Variants in TMEM63A observed in about 807,000 individuals in gnomAD.
TMEM63A encodes mechanosensitive cation channel TMEM63A.
In TMEM63A, 76 loss-of-function variants were observed where a neutral mutation model predicts 100.6. The observed-to-expected ratio is 0.76, with a 90% CI of 0.63 to 0.91. TMEM63A has a LOEUF of 0.91. TMEM63A is among the 40% of genes least tolerant of loss of function. The pLI is 0.00. For synonymous variants in TMEM63A, 401 were observed against 401.1 expected (o/e 1.00, Z 0.00); for missense variants, 876 against 1,008.8 (o/e 0.87, Z 1.78).
chr1:225,857,042 A>T (rs1398873602), intron 15 of TMEM63A, 25 bp from the exon 16 acceptor site: 1 of 1,550,122 alleles, frequency 6.5e-7, no homozygotes, highest in Non-Finnish European at 8.7e-7. Flanking sequence ...CACAGCAGAG[A>T]GAGTCACAGG....
In TMEM63A at chr1:225,871,319, C is replaced by T. The variant is rs538158480; in HGVS notation, c.334-206G>A. ...TCTTGCTAAAATCTCCTGACAACTT[C>T]GTGGTCAAATCACAAAACTTAGATC... On this transcript the variant is annotated intron_variant, in intron 5 of 24. Coordinates refer to ENST00000366835, the MANE Select transcript of TMEM63A (RefSeq NM_014698.3). Among the ~76,000 whole-genome samples, 29 of 152,342 alleles carry T rather than the reference C, an allele frequency of 1.9e-4. No individual in the cohort carries two copies. The South Asian group carries it at 2.5e-3, about 13-fold the overall frequency.
downstream of TMEM63A, among the ~76,000 whole-genome samples, chr1:225,840,700 A>G (rs116430388): frequency 1.3e-5 from 2 of 152,218 alleles, no homozygotes; most frequent in Non-Finnish European, 2.9e-5. Flanking sequence ...TACAATTCAC[A>G]GAACTGTAAA....
In TMEM63A at chr1:225,853,516, G is replaced by A. The variant is rs949824523; in HGVS notation, c.1797+113C>T. 7.9e-6 allele frequency: 9 copies of A among 1,145,094 alleles called. No individual in the cohort carries two copies. In the African/African-American group the frequency reaches 1.4e-4, roughly 18 times the overall value. 70.9% of individuals were successfully genotyped at this position (1,145,094 alleles called of 1,614,324 possible). A position where few individuals can be genotyped will look rare whatever the true frequency, so the allele number is the denominator to read the frequency against. On this transcript the variant is annotated intron_variant, in intron 19 of 24. Coordinates refer to ENST00000366835, the MANE Select transcript of TMEM63A (RefSeq NM_014698.3). The surrounding 1 kb of genome is among the most constrained non-coding windows in gnomAD (Gnocchi z 4.0). The stretch of plus-strand genomic sequence containing the variant: ...AGCCCAGTGCCTGCACTAGTGGGTA[G>A]TCAGGTAAATGCTACCCACTAGTGG...
downstream of TMEM63A, chr1:225,844,623 G>A (rs755904769): frequency 7.4e-6 from 12 of 1,613,882 alleles, no homozygotes; most frequent in East Asian, 2.2e-5. Flanking sequence ...AAGCATGAGC[G>A]GTGAGCCTGG....
chr1:225,880,152 A>G (rs901499099), intron 1 of TMEM63A, among the ~76,000 whole-genome samples: 1 of 152,190 alleles, frequency 6.6e-6, no homozygotes, highest in Non-Finnish European at 1.5e-5. Flanking sequence ...AAATACTATC[A>G]GCCTGAGACG....
chr1:225,862,668 G>A lies in TMEM63A; in HGVS notation c.828-90C>T, dbSNP rs548886294. The A allele has an allele frequency of 5.7e-5, 91 of 1,603,012 alleles. No individual in the cohort carries two copies. In the South Asian group the frequency reaches 9.0e-4, roughly 16 times the overall value. ...CCACAGTTCAACCATCGAACGCCAG[G>A]GGAGAAGGAGGGGTCCAGGGCCTCC... is the stretch of plus-strand genomic sequence containing the variant. On this transcript the variant is annotated intron_variant, in intron 11 of 24. Transcript: ENST00000366835. The surrounding 1 kb of genome is among the most constrained non-coding windows in gnomAD (Gnocchi z 5.1).
At position 225,855,891 on chromosome 1, in the gene TMEM63A, A is replaced by T. The variant is rs1386874634; in HGVS notation, c.1621T>A (p.Ser541Thr). The T allele has an allele frequency of 6.2e-7, 1 of 1,614,008 alleles. No homozygotes were observed. Among genetic ancestry groups the T allele is most frequent in the Non-Finnish European group, 8.5e-7 (1 of 1,180,014 alleles). ...WLFDKTSSEA[S>T]IRLECVFLPD... ...GGCAATACTCACTCCAACCTGATGG[A>T]GGCCTCCGAGGAAGTTTTGTCAAAG... is the stretch of plus-strand genomic sequence containing the variant. The change falls in exon 18 of 25, where the codon TCC becomes ACC. Residue 541 changes from serine (S) to threonine (T), a missense_variant. This residue lies in a region of TMEM63A where 4 missense variants were observed against 17.2 expected (regional missense o/e 0.23). Transcript: ENST00000366835.
At position 225,867,154 on chromosome 1, in the gene TMEM63A, G is replaced by A. The variant is rs750546958; in HGVS notation, c.524C>T (p.Pro175Leu). The A allele has an allele frequency of 4.3e-5, 70 of 1,614,006 alleles. 1 individual carries two copies. Among genetic ancestry groups the A allele is most frequent in the Non-Finnish European group, 5.3e-5 (63 of 1,180,014 alleles). ...TATTGTTGTCCTCCCAAAACTATAC[G>A]GGTCTTTGTCTGCAGAGAAGCACAG... ...NLSGDLLDKD[P>L]YSFGRTTIAN... Residue 175 changes from proline to leucine, a missense_variant, in exon 8 of 25, where the codon CCG becomes CTG. This residue lies in a region of TMEM63A where 487 missense variants were observed against 581.9 expected (regional missense o/e 0.84). Transcript: ENST00000366835. This position sits in a 1 kb window ranked among gnomAD's most constrained non-coding sequence, Gnocchi z 4.6.
intron 20 of TMEM63A, 97 bp from the exon 21 acceptor site, chr1:225,850,176 G>A: frequency 1.4e-6 from 2 of 1,419,116 alleles, no homozygotes; most frequent in Non-Finnish European, 9.7e-7. Context: ...CAAGGAGCCA[G>A]GGCTGGGGCT....
In TMEM63A at chr1:225,851,549, T is replaced by C. The variant is rs1426409056; in HGVS notation, c.1903+1115A>G. ...CATGCCCAGTTAATTTTTGTATTTT[T>C]AGTAGGGACAGGGTTTCATCATATT... On this transcript the variant is annotated intron_variant, in intron 20 of 24. Coordinates refer to ENST00000366835, the MANE Select transcript of TMEM63A (RefSeq NM_014698.3). 2.6e-5 allele frequency among the ~76,000 whole-genome samples: 4 copies of C among 152,086 alleles called. No individual in the cohort carries two copies. In the East Asian group the frequency reaches 7.7e-4, roughly 29 times the overall value.
intron 6 of TMEM63A, 50 bp downstream of exon 6, chr1:225,871,026 A>C (rs764128040): frequency 3.1e-6 from 5 of 1,599,600 alleles, no homozygotes; most frequent in Non-Finnish European, 4.3e-6. Flanking sequence ...CCAAACACCC[A>C]AAAAAACCAG....
chr1:225,843,298 G>A (rs1300976202), downstream of TMEM63A, among the ~76,000 whole-genome samples: 1 of 152,216 alleles, frequency 6.6e-6, no homozygotes, highest in South Asian at 2.1e-4. Context: ...TTTGCTGGAT[G>A]GAGGAGAGAA....
chr1:225,867,841 C>T lies in TMEM63A; in HGVS notation c.514+47G>A. The T allele has an allele frequency of 6.2e-7, 1 of 1,610,770 alleles. No individual in the cohort carries two copies. The highest frequency in any genetic ancestry group is 1.1e-5 in the South Asian group (1 of 90,716). On this transcript the variant is annotated intron_variant, in intron 7 of 24. Transcript: ENST00000366835. This position sits in a 1 kb window ranked among gnomAD's most constrained non-coding sequence, Gnocchi z 4.6. ...ACAGTGAGCCCTTTCCCTAGGACTG[C>T]CACTCTGCCCCATTACAACATAGAC...
chr1:225,871,486 G>A (rs576367138), intron 5 of TMEM63A: 2 of 230,438 alleles, frequency 8.7e-6, no homozygotes, highest in African/African-American at 4.5e-5. Context: ...GTGGGTGTTA[G>A]GGGGAAAGGG....
chr1:225,848,453 A>G (rs771240998), intron 23 of TMEM63A, 39 bp downstream of exon 23: 13 of 1,610,358 alleles, frequency 8.1e-6, no homozygotes, highest in Non-Finnish European at 1.1e-5. Context: ...AAAGCAAAAA[A>G]AAGGGCGACA....
chr1:225,860,295 C>T (rs1669874030), intron 14 of TMEM63A: 1 of 152,636 alleles, frequency 6.6e-6, no homozygotes, highest in African/African-American at 2.4e-5. Flanking sequence ...TGGAGGCTCA[C>T]CAGGGCCCCC....
At chr1:225,855,829 G>A (rs747354275) in intron 18 of TMEM63A, 49 bp downstream of exon 18, 10 of 1,595,596 alleles carry the variant, frequency 6.3e-6, no homozygotes, top group Non-Finnish European at 6.9e-6. Flanking sequence ...GCCCCTGTGG[G>A]ACTTTCACCC....
rs543847906 is a variant in TMEM63A at position 225,875,964 on chromosome 1, G to A, written c.186+1431C>T. ...GCTTGTAGTCCCAGCTATGCAGGAG[G>A]CTGAGGTGGGAGGATTGCTTGAGCC... On this transcript the variant is annotated intron_variant, in intron 3 of 24. Coordinates refer to ENST00000366835, the MANE Select transcript of TMEM63A (RefSeq NM_014698.3). 1.5e-4 allele frequency among the ~76,000 whole-genome samples: 23 copies of A among 149,482 alleles called. No individual in the cohort carries two copies. In the South Asian group the frequency reaches 4.4e-3, roughly 29 times the overall value.
chr1:225,848,639 C>G, intron 22 of TMEM63A, 85 bp from the exon 23 acceptor site: 1 of 1,430,298 alleles, frequency 7.0e-7, no homozygotes, highest in Non-Finnish European at 9.7e-7. Flanking sequence ...ACTATTAACA[C>G]CCGGAATAAT....
Sources: allele counts gnomAD v4.1 joint callset (sites outside exome capture counted in the v4.1 genomes callset), GRCh38; gene constraint gnomAD v4.1.1; regional missense constraint gnomAD v4.1.1; non-coding constraint Gnocchi (gnomAD v3.1); transcripts MANE v1.5; gene names NCBI Gene and HGNC (gene_info 2026-07-23, HGNC 2026-07-21).